Variants in AFMID observed in about 807,000 individuals in gnomAD.
The protein encoded by AFMID is arylformamidase, also known as kynurenine formamidase.
A neutral mutation model predicts 47.5 loss-of-function variants in AFMID; 39 were observed. That is an observed-to-expected ratio of 0.82 (90% CI 0.64 to 1.07). AFMID has a LOEUF of 1.07. Among genes scored for constraint, AFMID ranks in the 50% least tolerant of loss-of-function variants. The pLI, the probability that AFMID is intolerant of heterozygous loss-of-function variation, is 0.00. For missense variants in AFMID, 375 were observed against 387.5 expected (o/e 0.97, Z 0.27); for synonymous variants, 130 against 153.2 (o/e 0.85, Z 1.12).
chr17:78,207,313 T>A lies in AFMID; in HGVS notation c.*376T>A. The stretch of plus-strand genomic sequence containing the variant: ...TTTTTTTTTTTTTTGAGATGGAGTC[T>A]TACTCTGTCACCCAGGCTGGAGTGC... On this transcript the variant is annotated 3_prime_UTR_variant, in exon 11 of 11. Transcript: ENST00000409257. 4.7e-6 allele frequency: 1 copy of A among 211,548 alleles called. No homozygotes were observed. The highest frequency in any genetic ancestry group is 8.8e-6 in the Non-Finnish European group (1 of 114,262). 13.1% of individuals were successfully genotyped at this position (211,548 alleles called of 1,614,324 possible).
At chr17:78,197,205 C>T in intron 2 of AFMID, 1 of 1,550,754 alleles carries the variant, frequency 6.4e-7, no homozygotes, top group Non-Finnish European at 8.7e-7. Flanking sequence ...TCCGATGAGC[C>T]TGTGAGGCAC....
At chr17:78,190,905 G>T in intron 1 of AFMID, 65 bp from the exon 2 acceptor site, 1 of 1,476,508 alleles carries the variant, frequency 6.8e-7, no homozygotes, top group South Asian at 1.2e-5. Flanking sequence ...GGGCATGGGC[G>T]AGGGGGAGGG....
chr17:78,202,743 G>T lies in AFMID; in HGVS notation c.300G>T (p.Gln100His). Reference sequence around the variant, plus strand: ...TGTTCTTTCACGGAGGATACTGGCAGAGCGGAAGGTGAGTCGGGGGATGTG... The same window carrying T: ...TGTTCTTTCACGGAGGATACTGGCATAGCGGAAGGTGAGTCGGGGGATGTG... ...FFLFFHGGYWQSGSKDESAFM... is the reference protein window; with the variant it reads ...FFLFFHGGYWHSGSKDESAFM... The change falls in exon 4 of 11, where the codon CAG becomes CAT. Residue 100 changes from glutamine to histidine, a missense_variant. Physicochemically the swap from Gln to His is conservative, Grantham distance 24. Coordinates refer to ENST00000409257, the MANE Select transcript of AFMID (RefSeq NM_001010982.5). 1 of 1,557,956 alleles carries T rather than the reference G, an allele frequency of 6.4e-7. No homozygotes were observed.
At chr17:78,191,231 C>T (rs2075960194) in intron 2 of AFMID, among the ~76,000 whole-genome samples, 171 bp downstream of exon 2, 1 of 152,150 alleles carries the variant, frequency 6.6e-6, no homozygotes. Context: ...GCCCAGGACC[C>T]CTTGCTGCAG....
intron 2 of AFMID, among the ~76,000 whole-genome samples, chr17:78,196,428 A>C (rs1040978934): frequency 6.6e-6 from 1 of 152,092 alleles, no homozygotes; most frequent in Non-Finnish European, 1.5e-5. Context: ...CTGTAATCCC[A>C]GCACTTTGGG....
chr17:78,205,146 T>G lies in AFMID; in HGVS notation c.521T>G (p.Leu174Arg). 1 of 1,613,136 alleles carries G rather than the reference T, an allele frequency of 6.2e-7. No individual in the cohort carries two copies. Among genetic ancestry groups the G allele is most frequent in the Non-Finnish European group, 8.5e-7 (1 of 1,179,658 alleles). Reference sequence around the variant, plus strand: ...GGGGCCCACCTGGCTGCCATGATGCTCCTGGCCGACTGGACCAAGCATGGG... The same window carrying G: ...GGGGCCCACCTGGCTGCCATGATGCGCCTGGCCGACTGGACCAAGCATGGG... ...SAGAHLAAMM[L>R]LADWTKHGVT... The change falls in exon 7 of 11, where the codon CTC becomes CGC. Residue 174 changes from leucine (L) to arginine (R), a missense_variant. Transcript: ENST00000409257.
At chr17:78,189,213 T>G (rs1428676243) in intron 1 of AFMID, among the ~76,000 whole-genome samples, 9 of 149,118 alleles carry the variant, frequency 6.0e-5, no homozygotes. Flanking sequence ...ATCTGGTTCC[T>G]TGTTACTTTT....
chr17:78,188,809 G>C (rs1438912382), intron 1 of AFMID, among the ~76,000 whole-genome samples: 1 of 152,118 alleles, frequency 6.6e-6, no homozygotes, highest in Admixed American at 6.6e-5. Context: ...GTGTTAGCCA[G>C]GATGGTCTCC....
At chr17:78,201,770 C>T (rs796800000) in intron 2 of AFMID, among the ~76,000 whole-genome samples, 4 of 151,922 alleles carry the variant, frequency 2.6e-5, no homozygotes, top group African/African-American at 9.7e-5. Flanking sequence ...TCGCTCTGTC[C>T]CCCAGGCTAG....
chr17:78,192,905 A>C (rs1311265973), intron 2 of AFMID: 5 of 270,852 alleles, frequency 1.8e-5, no homozygotes, highest in African/African-American at 1.1e-4. Context: ...GAGAGAACCC[A>C]GGAGGAGGAA....
intron 1 of AFMID, chr17:78,190,583 G>A: frequency 5.5e-6 from 1 of 180,468 alleles, no homozygotes; most frequent in South Asian, 1.1e-4. Flanking sequence ...GTAGAGATGG[G>A]GTTTTGCCAT....
rs2076273028 is a variant in AFMID, at chr17:78,202,566, G to C, written c.222G>C (p.Glu74Asp). 6.2e-7 allele frequency: 1 copy of C among 1,613,628 alleles called. No individual in the cohort carries two copies. The highest frequency in any genetic ancestry group is 1.3e-5 in the African/African-American group (1 of 74,904). The change falls in exon 3 of 11, where the codon GAG becomes GAC. Residue 74 changes from glutamate (E) to aspartate (D), a missense_variant. Glu to Asp is a conservative substitution (Grantham distance 45). Transcript: ENST00000409257. ...TCCCCTATGGAGACGGCGAAGGGGA[G>C]AAAGTGGACATTTACTTCCCCGACG... Reference protein sequence around the residue: ...LHVPYGDGEGEKVDIYFPDES... With the variant: ...LHVPYGDGEGDKVDIYFPDES...
intron 2 of AFMID, among the ~76,000 whole-genome samples, chr17:78,199,962 C>A (rs1325802136): frequency 6.6e-6 from 1 of 151,700 alleles, no homozygotes; most frequent in Non-Finnish European, 1.5e-5. Context: ...TAGGTCTCTG[C>A]TGACTAGCTA....
At chr17:78,199,529 CA>C (rs2076196086) in intron 2 of AFMID, among the ~76,000 whole-genome samples, 1 of 152,148 alleles carries the variant, frequency 6.6e-6, no homozygotes. Context: ...TGTGCGCCAC[CA>C]CGCCTGGCTA....
intron 2 of AFMID, chr17:78,197,605 G>A (rs752599706): frequency 2.0e-5 from 4 of 198,466 alleles, no homozygotes; most frequent in Non-Finnish European, 2.1e-5. Context: ...GACTCAGACA[G>A]GAGCCCAGGA....
intron 2 of AFMID, among the ~76,000 whole-genome samples, chr17:78,195,694 G>T (rs2076094790): frequency 6.7e-6 from 1 of 150,298 alleles, no homozygotes; most frequent in Admixed American, 6.6e-5. Flanking sequence ...TAGAGATGGG[G>T]TTTCTCCATG....
chr17:78,205,442 T>G lies in AFMID; in HGVS notation c.568T>G (p.Phe190Val). The G allele has an allele frequency of 6.2e-7, 1 of 1,614,098 alleles. No individual in the cohort carries two copies. Among genetic ancestry groups the G allele is most frequent in the African/African-American group, 1.3e-5 (1 of 75,042 alleles). ...GTGACAATTCTGTACCTTCACAGGC[T>G]TTTTCCTGGTGAGTGGGGTCTTTGA... ...KHGVTPNLRGFFLVSGVFDLE... is the reference protein window; with the variant it reads ...KHGVTPNLRGVFLVSGVFDLE... The change falls in exon 8 of 11, where the codon TTT (phenylalanine) becomes GTT (valine). Residue 190 changes from phenylalanine (F) to valine (V), a missense_variant and splice_region_variant. Phe to Val is a conservative substitution (Grantham distance 50, BLOSUM62 -1). Coordinates refer to ENST00000409257, the MANE Select transcript of AFMID (RefSeq NM_001010982.5).
chr17:78,191,158 G>T (rs2075958262), intron 2 of AFMID, 98 bp downstream of exon 2: 3 of 984,768 alleles, frequency 3.0e-6, no homozygotes, highest in Non-Finnish European at 4.7e-6. Flanking sequence ...TGCACCACCT[G>T]GGCCTCGAGG....
chr17:78,187,458 A>G, intron 1 of AFMID, 25 bp downstream of exon 1: 2 of 1,613,438 alleles, frequency 1.2e-6, no homozygotes, highest in East Asian at 2.2e-5. Flanking sequence ...GGGAGGGACT[A>G]AGGGGCTGGG....
Sources: allele counts gnomAD v4.1 joint callset (sites outside exome capture counted in the v4.1 genomes callset), GRCh38; gene constraint gnomAD v4.1.1; transcripts MANE v1.5; gene names NCBI Gene and HGNC (gene_info 2026-07-23, HGNC 2026-07-21).